The following DLGAP2 variants were observed in gnomAD, a reference collection of about 807,000 sequenced individuals.
DLGAP2 encodes DLG associated protein 2.
DLGAP2 carries 26 observed loss-of-function variants against 100.3 expected under a neutral mutation model. The observed-to-expected ratio is 0.26, with a 90% CI of 0.19 to 0.36. The LOEUF (loss-of-function observed/expected upper bound fraction) is 0.36. DLGAP2 is among the 10% of genes least tolerant of loss of function. The probability of loss-of-function intolerance (pLI) is 1.00; values close to 1 mark genes in which losing one functional copy is unlikely to be tolerated. For missense variants in DLGAP2, 1,858 were observed against 1,453.2 expected (o/e 1.28, Z -4.53); for synonymous variants, 886 against 630.1 (o/e 1.41, Z -6.08).
At chr8:1,595,119 C>A (rs1255988050) in intron 6 of DLGAP2, among the ~76,000 whole-genome samples, 2 of 152,062 alleles carry the variant, frequency 1.3e-5, no homozygotes, top group Non-Finnish European at 2.9e-5. Context: ...CAGCCCACTG[C>A]AGCCTCAACC....
chr8:1,691,558 G>A lies in DLGAP2; in HGVS notation c.2728G>A (p.Val910Ile). Residue 910 changes from valine (V) to isoleucine (I), a missense_variant, in exon 13 of 15, where the codon GTT becomes ATT. Val to Ile is a conservative substitution (Grantham distance 29). Coordinates refer to ENST00000637795, the MANE Select transcript of DLGAP2 (RefSeq NM_001346810.2). ...EEILGKIRSA[V>I]GSAQLLMSQK... ...AGTTCTCGGTAAAATCAGGAGTGCT[G>A]TTGGGAGTGCCCAGCTTCTCATGTC... 1.2e-6 allele frequency: 2 copies of A among 1,614,114 alleles called. No homozygotes were observed. Among genetic ancestry groups the A allele is most frequent in the Non-Finnish European group, 8.5e-7 (1 of 1,179,988 alleles).
intron 2 of DLGAP2, among the ~76,000 whole-genome samples, chr8:956,281 T>C (rs1460685942): frequency 6.6e-6 from 1 of 152,182 alleles, no homozygotes; most frequent in African/African-American, 2.4e-5. Context: ...CAAGTTGTGC[T>C]CCCCAGGAGC....
rs1054154090 is a variant in DLGAP2, at chr8:1,467,101, C to T, written c.107-34265C>T. Among the ~76,000 whole-genome samples, 4 of 151,842 alleles carry T rather than the reference C, an allele frequency of 2.6e-5. No homozygotes were observed. In the East Asian group the frequency reaches 5.8e-4, roughly 22 times the overall value. ...GGACCAGGATGGTCAGTCCCAGATCCAGCCAGAGGGAGGGAGGGTCCGGCA... is the reference window on the plus strand; with the variant it reads ...GGACCAGGATGGTCAGTCCCAGATCTAGCCAGAGGGAGGGAGGGTCCGGCA... On this transcript the variant is annotated intron_variant, in intron 3 of 14. Transcript: ENST00000637795.
chr8:1,489,694 A>C (rs1799322622), intron 3 of DLGAP2, among the ~76,000 whole-genome samples: 1 of 152,370 alleles, frequency 6.6e-6, no homozygotes, highest in South Asian at 2.1e-4. Context: ...CGCTGTGAGC[A>C]TCTTGGTTAA....
chr8:1,489,344 G>A (rs1301564785), intron 3 of DLGAP2, among the ~76,000 whole-genome samples: 7 of 152,176 alleles, frequency 4.6e-5, no homozygotes, highest in East Asian at 1.9e-4. Flanking sequence ...GGTGACTGGC[G>A]GAGTGGATGA....
chr8:1,235,001 C>T (rs1042403802), intron 2 of DLGAP2, among the ~76,000 whole-genome samples: 41 of 9,228 alleles, frequency 4.4e-3, no homozygotes, highest in Admixed American at 0.012. Flanking sequence ...GTGTCTAGTT[C>T]TCTCACACAT....
intron 2 of DLGAP2, among the ~76,000 whole-genome samples, chr8:986,100 A>G (rs1172651282): frequency 6.6e-6 from 1 of 151,552 alleles, no homozygotes; most frequent in Non-Finnish European, 1.5e-5. Context: ...ATTAGGGGGG[A>G]GTATGGCTGG....
chr8:814,827 G>A (rs549121088), intron 1 of DLGAP2, among the ~76,000 whole-genome samples: 51 of 133,970 alleles, frequency 3.8e-4, no homozygotes, highest in African/African-American at 1.5e-3. Context: ...ACTCCAGCCT[G>A]GCAACAGAGC....
At chr8:1,563,715 T>G (rs1364313329) in intron 5 of DLGAP2, among the ~76,000 whole-genome samples, 1 of 152,018 alleles carries the variant, frequency 6.6e-6, no homozygotes, top group Non-Finnish European at 1.5e-5. Flanking sequence ...TGGGCTGCAA[T>G]GTGGAAGATG....
intron 2 of DLGAP2, among the ~76,000 whole-genome samples, chr8:1,082,570 T>C (rs1047772072): frequency 1.3e-5 from 2 of 152,186 alleles, no homozygotes; most frequent in East Asian, 3.9e-4. Flanking sequence ...CCACATTTGG[T>C]GTGAGCAGGG....
chr8:1,160,141 G>T (rs920021202), intron 2 of DLGAP2, among the ~76,000 whole-genome samples: 2 of 152,194 alleles, frequency 1.3e-5, no homozygotes, highest in African/African-American at 2.4e-5. Flanking sequence ...GCTCTGAATC[G>T]CTGTGCACTA....
intron 3 of DLGAP2, among the ~76,000 whole-genome samples, chr8:1,362,233 C>G (rs551225621): frequency 6.6e-6 from 1 of 152,034 alleles, no homozygotes; most frequent in African/African-American, 2.4e-5. Flanking sequence ...TGGGTGGGAC[C>G]TGGTGTTCCC....
At chr8:1,491,109 C>A (rs1210392150) in intron 3 of DLGAP2, among the ~76,000 whole-genome samples, 54 of 71,434 alleles carry the variant, frequency 7.6e-4, no homozygotes, top group Admixed American at 5.5e-3. Flanking sequence ...AATAAAATCA[C>A]TTTTCATGAA....
intron 3 of DLGAP2, among the ~76,000 whole-genome samples, chr8:1,353,834 T>C (rs900045160): frequency 3.9e-5 from 6 of 152,140 alleles, no homozygotes; most frequent in African/African-American, 1.4e-4. Flanking sequence ...AAATTTTTAA[T>C]ACGGGAAAAA....
intron 2 of DLGAP2, among the ~76,000 whole-genome samples, chr8:1,031,494 C>G (rs1045266853): frequency 6.6e-6 from 1 of 152,038 alleles, no homozygotes. Flanking sequence ...TCAGTACAGC[C>G]TCAACCTCCC....
intron 1 of DLGAP2, among the ~76,000 whole-genome samples, chr8:778,291 G>C (rs935939336): frequency 6.6e-6 from 1 of 152,050 alleles, no homozygotes; most frequent in Non-Finnish European, 1.5e-5. Context: ...TTTGGTTTGC[G>C]TGTCCTCTCG....
chr8:1,117,341 T>A (rs1328285749), intron 2 of DLGAP2, among the ~76,000 whole-genome samples: 1 of 152,192 alleles, frequency 6.6e-6, no homozygotes, highest in African/African-American at 2.4e-5. Flanking sequence ...ACGCTGGGGA[T>A]GCGGTGACGA....
chr8:1,166,136 C>G (rs1435380374), intron 2 of DLGAP2, among the ~76,000 whole-genome samples: 1 of 152,188 alleles, frequency 6.6e-6, no homozygotes, highest in East Asian at 1.9e-4. Flanking sequence ...GGGCATCAGC[C>G]CTGTCCTTCC....
intron 12 of DLGAP2, among the ~76,000 whole-genome samples, chr8:1,681,990 G>T (rs944264981): frequency 6.6e-6 from 1 of 152,142 alleles, no homozygotes; most frequent in Non-Finnish European, 1.5e-5. Flanking sequence ...CTCTGACATT[G>T]AAGGCTCTGC....
Sources: gnomAD v4.1 joint callset for allele counts (sites outside exome capture counted in the v4.1 genomes callset) on GRCh38, gnomAD v4.1.1 for gene constraint, MANE v1.5 for transcripts, NCBI Gene and HGNC (gene_info 2026-07-23, HGNC 2026-07-21) for gene names.